Variants in POM121 observed in about 807,000 individuals in gnomAD.
The protein encoded by POM121 is nuclear envelope pore membrane protein POM 121.
In POM121, 32 loss-of-function variants were observed where a neutral mutation model predicts 81.3. The ratio of observed to expected loss-of-function variants is 0.39; its 90% CI spans 0.30 to 0.53. The LOEUF (loss-of-function observed/expected upper bound fraction) is 0.53. POM121 is among the 20% of genes least tolerant of loss of function. The pLI is 0.66. For missense variants in POM121, 1,138 were observed against 1,614.6 expected (o/e 0.70, Z 5.06); for synonymous variants, 514 against 694.2 (o/e 0.74, Z 4.08).
chr7:72,949,713 T>C (rs1356389023), downstream of POM121: 1 of 724,942 alleles, frequency 1.4e-6, no homozygotes, highest in Non-Finnish European at 2.5e-6. Flanking sequence ...AAAGCTTAGC[T>C]TGGGGCAAAT....
intron 1 of POM121, 57 bp from the exon 2 acceptor site, chr7:72,926,205 A>T: frequency 6.7e-7 from 1 of 1,500,738 alleles, no homozygotes; most frequent in South Asian, 1.2e-5. Context: ...TTAACCGTTT[A>T]AAAATTTGAC....
chr7:72,946,162 T>A lies in POM121; in HGVS notation c.3678T>A (p.Ile1226=), dbSNP rs782463240. The A allele has an allele frequency of 2.0e-5, 32 of 1,611,612 alleles. No homozygotes were observed. Among genetic ancestry groups the A allele is most frequent in the East Asian group, 4.5e-5 (2 of 44,870 alleles). ...PFGSAALSFS[I]GAGSKTPGAR... ...GATCGGCGGCCCTTTCATTTTCCAT[T>A]GGTGCGGGATCCAAGACCCCAGGGG... Residue 1226 remains isoleucine, a synonymous_variant, in exon 13 of 13, where the codon ATT becomes ATA. Coordinates refer to ENST00000434423, the MANE Select transcript of POM121 (RefSeq NM_001387691.1).
chr7:72,919,153 G>A (rs1554495551), intron 4 of POM121, among the ~76,000 whole-genome samples: 1 of 148,936 alleles, frequency 6.7e-6, no homozygotes, highest in East Asian at 2.0e-4. Flanking sequence ...TGATTCACCC[G>A]CCTTAGCCTC....
intron 5 of POM121, among the ~76,000 whole-genome samples, chr7:72,938,231 CTT>C (rs879963343): frequency 7.0e-5 from 10 of 143,524 alleles, no homozygotes; most frequent in East Asian, 2.0e-4. Context: ...ATTTTCTTTT[CTT>C]TTTTTTTTTT....
Position 72,943,426 on chromosome 7 carries a change from G to C in POM121, c.3433G>C (p.Gly1145Arg). 6.2e-7 allele frequency: 1 copy of C among 1,612,834 alleles called. No individual in the cohort carries two copies. Among genetic ancestry groups the C allele is most frequent in the Non-Finnish European group, 8.5e-7 (1 of 1,179,608 alleles). ...CACAGCCACCTCCACCCCCTTCGCA[G>C]GGGGCTTAGGTCAGAACGCCCTGGG... ...GSTATSTPFA[G>R]GLGQNALGTT... The change falls in exon 11 of 13, where the codon GGG (glycine) becomes CGG (arginine). Residue 1145 changes from glycine to arginine, a missense_variant. Gly to Arg is a moderately radical substitution (Grantham distance 125, BLOSUM62 -2). Transcript: ENST00000434423.
intron 4 of POM121, among the ~76,000 whole-genome samples, chr7:72,929,094 A>G (rs140871028): frequency 2.0e-5 from 3 of 152,322 alleles, no homozygotes; most frequent in African/African-American, 4.8e-5. Context: ...CAGTGAAGCA[A>G]TGAAGATGTT....
intron 6 of POM121, 83 bp from the exon 7 acceptor site, chr7:72,939,253 G>A: frequency 6.5e-7 from 1 of 1,535,350 alleles, no homozygotes; most frequent in South Asian, 1.2e-5. Context: ...TTGGCCACTT[G>A]GTAGTTAGGA....
At chr7:72,888,449 A>G (rs1790951155) in intron 1 of POM121, among the ~76,000 whole-genome samples, 1 of 152,226 alleles carries the variant, frequency 6.6e-6, no homozygotes, top group Non-Finnish European at 1.5e-5. Context: ...ACCTCAGGTG[A>G]TCTGCCCACC....
At chr7:72,880,482 C>T (rs1790028933) in intron 1 of POM121, among the ~76,000 whole-genome samples, 2 of 152,052 alleles carry the variant, frequency 1.3e-5, no homozygotes, top group Non-Finnish European at 2.9e-5. Flanking sequence ...TAACCAACTT[C>T]AGTTAGATAA....
intron 11 of POM121, 95 bp from the exon 12 acceptor site, chr7:72,945,491 G>A (rs1334735808): frequency 7.4e-6 from 11 of 1,482,144 alleles, no homozygotes; most frequent in Middle Eastern, 2.4e-4. Context: ...TGAGGGTCCC[G>A]TGGGAAGTGC....
At chr7:72,894,625 AGG>A in intron 3 of POM121, among the ~76,000 whole-genome samples, 1 of 85,544 alleles carries the variant, frequency 1.2e-5, no homozygotes, top group Non-Finnish European at 2.1e-5. Context: ...TGAGAGAGAG[AGG>A]AGAGAGAGAG....
intron 1 of POM121, among the ~76,000 whole-genome samples, chr7:72,884,504 CAAATATATACATATAATATA>C (rs1790487085): frequency 1.8e-5 from 2 of 110,088 alleles, no homozygotes; most frequent in Admixed American, 1.0e-4. Flanking sequence ...TATTTGATAG[CAAATATATACATATAATATA>C]TATTTGATAG....
At chr7:72,881,450 G>GCCT (rs1284811608) in intron 1 of POM121, among the ~76,000 whole-genome samples, 2 of 150,262 alleles carry the variant, frequency 1.3e-5, no homozygotes, top group Non-Finnish European at 3.0e-5. Flanking sequence ...GCCTTTGCAG[G>GCCT]CCGGAGCCCT....
chr7:72,901,216 T>G (rs542151103), intron 3 of POM121, among the ~76,000 whole-genome samples: 1 of 151,812 alleles, frequency 6.6e-6, no homozygotes, highest in South Asian at 2.1e-4. Flanking sequence ...TTTTCTTTTT[T>G]TCTTTTTTTT....
At chr7:72,928,530 C>T in intron 4 of POM121, 65 bp downstream of exon 4, 1 of 1,547,842 alleles carries the variant, frequency 6.5e-7, no homozygotes, top group Non-Finnish European at 8.9e-7. Flanking sequence ...AGAGCTGTTG[C>T]CCTATAGATT....
At chr7:72,901,805 T>A (rs1792676779) in intron 3 of POM121, among the ~76,000 whole-genome samples, 1 of 148,286 alleles carries the variant, frequency 6.7e-6, no homozygotes, top group South Asian at 2.4e-4. Context: ...ACCCAGTCCA[T>A]ATACCATTTT....
intron 3 of POM121, among the ~76,000 whole-genome samples, chr7:72,907,492 A>T (rs1793364834): frequency 6.6e-6 from 1 of 151,900 alleles, no homozygotes; most frequent in Admixed American, 6.6e-5. Context: ...TCTGAAAAAA[A>T]ATCTTTCTGG....
chr7:72,937,938 A>C (rs2129579494), intron 5 of POM121, among the ~76,000 whole-genome samples: 1 of 152,360 alleles, frequency 6.6e-6, no homozygotes, highest in East Asian at 1.9e-4. Flanking sequence ...TTAGTAAATT[A>C]AAATAGAAAA....
At chr7:72,912,685 A>C (rs192395446) in intron 3 of POM121, among the ~76,000 whole-genome samples, 104 of 152,254 alleles carry the variant, frequency 6.8e-4, no homozygotes, top group African/African-American at 2.3e-3. Flanking sequence ...AGGCTGAGGC[A>C]GGGGAATCGC....
Sources: gnomAD v4.1 joint callset for allele counts (sites outside exome capture counted in the v4.1 genomes callset) on GRCh38, gnomAD v4.1.1 for gene constraint, MANE v1.5 for transcripts, NCBI Gene and HGNC (gene_info 2026-07-23, HGNC 2026-07-21) for gene names.